SLC6A6: variants seen among roughly 807,000 people sequenced by gnomAD.
The protein encoded by SLC6A6 is solute carrier family 6 member 6, also known as sodium- and chloride-dependent taurine transporter.
In SLC6A6, 16 loss-of-function variants were observed where a neutral mutation model predicts 68.8. The ratio of observed to expected loss-of-function variants is 0.23; its 90% CI spans 0.16 to 0.35. SLC6A6 has a LOEUF of 0.35. Ranked by LOEUF, SLC6A6 falls within the 10% of genes least tolerant of loss-of-function variation. The pLI, the probability that SLC6A6 is intolerant of heterozygous loss-of-function variation, is 1.00. For missense variants in SLC6A6, 474 were observed against 802.8 expected, an observed-to-expected ratio of 0.59 and a Z score of 4.95; for synonymous variants, 312 against 315.4, an observed-to-expected ratio of 0.99 and a Z score of 0.12.
intron 1 of SLC6A6, 21 bp from the exon 2 acceptor site, chr3:14,416,391 C>T (rs1325388826): frequency 2.0e-5 from 8 of 390,728 alleles, no homozygotes; most frequent in South Asian, 1.3e-4. Flanking sequence ...CTTCCGTCTT[C>T]GCTTCCTCTC....
intron 2 of SLC6A6, among the ~76,000 whole-genome samples, chr3:14,441,918 G>A (rs1699998324): frequency 6.6e-6 from 1 of 152,260 alleles, no homozygotes; most frequent in Non-Finnish European, 1.5e-5. Context: ...TGTGAGCAAG[G>A]CAGGTGTGGT....
chr3:14,451,580 G>A (rs553939661), intron 5 of SLC6A6, among the ~76,000 whole-genome samples: 12 of 152,332 alleles, frequency 7.9e-5, no homozygotes, highest in Middle Eastern at 3.4e-3. Context: ...AGGAACCATA[G>A]AAGGTATATG....
intron 1 of SLC6A6, among the ~76,000 whole-genome samples, chr3:14,413,108 G>A (rs539551535): frequency 2.0e-5 from 3 of 152,370 alleles, no homozygotes; most frequent in East Asian, 1.9e-4. Flanking sequence ...CACTGTGTCC[G>A]GACAAGGCCC....
chr3:14,465,766 T>A (rs547015308), intron 6 of SLC6A6, among the ~76,000 whole-genome samples: 8 of 152,342 alleles, frequency 5.3e-5, no homozygotes, highest in African/African-American at 1.7e-4. Context: ...GCACATGCCA[T>A]GGTTGGCAAC....
chr3:14,424,245 GA>G (rs60228534), intron 2 of SLC6A6, among the ~76,000 whole-genome samples: 3,287 of 152,172 alleles, frequency 0.022, 133 homozygotes, highest in African/African-American at 0.075. Flanking sequence ...TAGGGACCCT[GA>G]AATGAGCTGC....
chr3:14,409,062 C>A (rs943095941), intron 1 of SLC6A6, among the ~76,000 whole-genome samples: 1 of 152,236 alleles, frequency 6.6e-6, no homozygotes, highest in Non-Finnish European at 1.5e-5. Context: ...CCCGCCTCGG[C>A]CTCCCAAAGT....
At chr3:14,441,256 G>GA (rs1158713265) in intron 2 of SLC6A6, among the ~76,000 whole-genome samples, 2 of 152,184 alleles carry the variant, frequency 1.3e-5, no homozygotes, top group Non-Finnish European at 2.9e-5. Flanking sequence ...CATTTCCTGA[G>GA]AAACACCTTC....
intron 6 of SLC6A6, among the ~76,000 whole-genome samples, chr3:14,464,830 A>G (rs912320747): frequency 2.0e-5 from 3 of 152,198 alleles, no homozygotes; most frequent in East Asian, 1.9e-4. Context: ...AGGTCCCCTG[A>G]TCCCCAGATG....
chr3:14,477,195 C>T lies in SLC6A6; in HGVS notation c.1210-10C>T. ...AGCCGCTCACCAGCTCTCTCTCTTC[C>T]CCTCCTCAGTTTGTTGAAGTTGAAG... On this transcript the variant is annotated splice_polypyrimidine_tract_variant and intron_variant, in intron 10 of 14. Coordinates refer to ENST00000622186, the MANE Select transcript of SLC6A6 (RefSeq NM_003043.6). The surrounding 1 kb of genome is among the most constrained non-coding windows in gnomAD (Gnocchi z 4.2). 1 of 1,608,798 alleles carries T rather than the reference C, an allele frequency of 6.2e-7. No homozygotes were observed. Among genetic ancestry groups the T allele is most frequent in the Non-Finnish European group, 8.5e-7 (1 of 1,176,430 alleles).
intron 2 of SLC6A6, among the ~76,000 whole-genome samples, chr3:14,424,871 C>T (rs533801846): frequency 2.6e-5 from 4 of 152,138 alleles, no homozygotes; most frequent in South Asian, 2.1e-4. Context: ...AGGGAGGGGA[C>T]GGGGACACGG....
chr3:14,421,791 G>C lies in SLC6A6; in HGVS notation c.-12+5338G>C, dbSNP rs151261208. Among the ~76,000 whole-genome samples, 1,092 of 152,304 alleles carry C rather than the reference G, an allele frequency of 7.2e-3. 10 individuals are homozygous for C. The highest frequency in any genetic ancestry group is 0.025 in the African/African-American group (1,021 of 41,562). ...GAAACTGGAAGTCAGCCACGTGTCA[G>C]GACAGGAGCCTGGATTTAGCCCACA... On this transcript the variant is annotated intron_variant, in intron 2 of 14. Coordinates refer to ENST00000622186, the MANE Select transcript of SLC6A6 (RefSeq NM_003043.6).
At chr3:14,466,284 AAAAAG>A (rs1700617784) in intron 6 of SLC6A6, among the ~76,000 whole-genome samples, 1 of 150,534 alleles carries the variant, frequency 6.6e-6, no homozygotes, top group African/African-American at 2.5e-5. Context: ...AAAAAAAAAA[AAAAAG>A]AAATCTGTGA....
chr3:14,432,139 G>T (rs1699738875), intron 2 of SLC6A6, among the ~76,000 whole-genome samples: 1 of 152,212 alleles, frequency 6.6e-6, no homozygotes, highest in Non-Finnish European at 1.5e-5. Context: ...TTTCTATAGA[G>T]CAAGGGAGGG....
At position 14,485,151 on chromosome 3, in the gene SLC6A6, TGTGCGTGC is replaced by T; in HGVS notation, c.*148_*155del. ...CACAGAAAATGTAATTGTGGGTATG[TGTGCGTGC>T]GTGTGTGTGTGTGTGTGTATCGTGT... On this transcript the variant is annotated 3_prime_UTR_variant, in exon 15 of 15. Transcript: ENST00000622186. 1 of 557,574 alleles carries T rather than the reference TGTGCGTGC, an allele frequency of 1.8e-6. No homozygotes were observed. Among genetic ancestry groups the T allele is most frequent in the Non-Finnish European group, 2.9e-6 (1 of 343,062 alleles). 34.5% of individuals were successfully genotyped at this position (557,574 alleles called of 1,614,324 possible).
chr3:14,485,308 T>C lies in SLC6A6; in HGVS notation c.*301T>C, dbSNP rs1053559104. The C allele has an allele frequency of 1.5e-4, 35 of 237,704 alleles. No homozygotes were observed. The highest frequency in any genetic ancestry group is 7.0e-4 in the African/African-American group (31 of 44,392). The allele number at this position is 237,704 out of a possible 1,614,324, so 14.7% of individuals were successfully genotyped here. ...TATTTTATGGGAATTTGGTAAATTT[T>C]TCTTTGTATTTTTTTTTTTACATAT... On this transcript the variant is annotated 3_prime_UTR_variant, in exon 15 of 15. Transcript: ENST00000622186.
Position 14,481,532 on chromosome 3 carries a change from G to T in SLC6A6, c.1552-139G>T. The T allele has an allele frequency of 1.6e-6, 1 of 631,846 alleles. No individual in the cohort carries two copies. 39.1% of individuals were successfully genotyped at this position (631,846 alleles called of 1,614,324 possible). A position where few individuals can be genotyped will look rare whatever the true frequency, so the allele number is the denominator to read the frequency against. ...GGCGGGGGGGATCCTTATGGCAGCA[G>T]AGAGGGGTGTGAGTTCTGAGCCAGT... is the stretch of plus-strand genomic sequence containing the variant. On this transcript the variant is annotated intron_variant, in intron 13 of 14. Coordinates refer to ENST00000622186, the MANE Select transcript of SLC6A6 (RefSeq NM_003043.6). This position sits in a 1 kb window ranked among gnomAD's most constrained non-coding sequence, Gnocchi z 4.7.
At chr3:14,429,284 C>T (rs998523609) in intron 2 of SLC6A6, among the ~76,000 whole-genome samples, 7 of 152,222 alleles carry the variant, frequency 4.6e-5, no homozygotes, top group Non-Finnish European at 8.8e-5. Context: ...CTCTGAGCCT[C>T]ATTTTCCTTA....
chr3:14,464,396 G>A (rs532537250), intron 6 of SLC6A6, among the ~76,000 whole-genome samples: 3 of 152,284 alleles, frequency 2.0e-5, no homozygotes, highest in Admixed American at 6.5e-5. Context: ...GCAAAATGGA[G>A]ATAGTAATAC....
In SLC6A6 at chr3:14,443,823, C is replaced by T. The variant is rs747805080; in HGVS notation, c.189C>T (p.Asn63=). The T allele has an allele frequency of 1.5e-5, 24 of 1,613,958 alleles. No individual in the cohort carries two copies. Among genetic ancestry groups the T allele is most frequent in the Middle Eastern group, 1.6e-4 (1 of 6,084 alleles). Residue 63 remains asparagine, a synonymous_variant, in exon 3 of 15, where the codon AAC becomes AAT. Transcript: ENST00000622186. The part of the protein sequence containing the change: ...SVAGGFVGLG[N]VWRFPYLCYK... ...CTGGCGGCTTCGTGGGCTTGGGCAA[C>T]GTCTGGCGCTTCCCGTACCTCTGCT...
Sources: gnomAD v4.1 joint callset for allele counts (sites outside exome capture counted in the v4.1 genomes callset) on GRCh38, gnomAD v4.1.1 for gene constraint, Gnocchi (gnomAD v3.1) non-coding constraint, MANE v1.5 for transcripts, NCBI Gene and HGNC (gene_info 2026-07-23, HGNC 2026-07-21) for gene names.